The following SNX2 variants were observed in gnomAD, a reference collection of about 807,000 sequenced individuals.
SNX2 encodes sorting nexin 2, also known as sorting nexin-2.
SNX2 carries 25 observed loss-of-function variants against 69.9 expected under a neutral mutation model. The observed-to-expected ratio is 0.36, with a 90% confidence interval of 0.26 to 0.50. The LOEUF (loss-of-function observed/expected upper bound fraction) is 0.50. Among genes scored for constraint, SNX2 ranks in the 20% least tolerant of loss-of-function variants. The pLI, the probability that SNX2 is intolerant of heterozygous loss-of-function variation, is 0.97. For synonymous variants in SNX2, 229 were observed against 200.4 expected (o/e 1.14, Z -1.20); for missense variants, 551 against 613.3 (o/e 0.90, Z 1.07).
rs1015316201 is a variant in SNX2, at chr5:122,831,471, T to C, written c.*1823T>C. Among the ~76,000 whole-genome samples the C allele has an allele frequency of 6.6e-6, 1 of 152,014 alleles. No individual in the cohort carries two copies. Among genetic ancestry groups the C allele is most frequent in the African/African-American group, 2.4e-5 (1 of 41,344 alleles). ...TAACCTACAGCCAGCCTGGACAACA[T>C]AGTGAGACCCTGTCTCTAAAAAAAA... On this transcript the variant is annotated 3_prime_UTR_variant, in exon 15 of 15. Transcript: ENST00000379516.
At chr5:122,816,312 G>A (rs1753900220) in intron 8 of SNX2, among the ~76,000 whole-genome samples, 1 of 152,140 alleles carries the variant, frequency 6.6e-6, no homozygotes, top group East Asian at 1.9e-4. Context: ...AGTTGAATGT[G>A]TATTTGCTTG....
rs2149998167 is a variant in SNX2, at chr5:122,775,414, G to A, written c.108+203G>A. 19 of 1,267,914 alleles carry A rather than the reference G, an allele frequency of 1.5e-5. No homozygotes were observed. In the South Asian group the frequency reaches 2.2e-4, roughly 15 times the overall value. The allele number at this position is 1,267,914 out of a possible 1,614,324, so 78.5% of individuals were successfully genotyped here. On this transcript the variant is annotated intron_variant, in intron 1 of 14. Coordinates refer to ENST00000379516, the MANE Select transcript of SNX2 (RefSeq NM_003100.4). ...GGCCTCCTCAGGAGAGCAGCCTGCG[G>A]CCCGCGGGTGCCGACCTAATCCTCA... is the stretch of plus-strand genomic sequence containing the variant.
At chr5:122,796,550 A>G (rs1561452408) in intron 2 of SNX2, among the ~76,000 whole-genome samples, 1 of 152,202 alleles carries the variant, frequency 6.6e-6, no homozygotes, top group African/African-American at 2.4e-5. Context: ...AGTATTTGTT[A>G]TTGTGTCCTT....
At chr5:122,777,881 T>C (rs993305880) in intron 1 of SNX2, among the ~76,000 whole-genome samples, 1 of 152,230 alleles carries the variant, frequency 6.6e-6, no homozygotes, top group Non-Finnish European at 1.5e-5. Flanking sequence ...AAATATACAA[T>C]AAATTGTTAA....
chr5:122,817,046 G>T lies in SNX2; in HGVS notation c.912+18G>T. The T allele has an allele frequency of 6.4e-7, 1 of 1,556,542 alleles. No homozygotes were observed. Among genetic ancestry groups the T allele is most frequent in the Non-Finnish European group, 8.9e-7 (1 of 1,128,538 alleles). ...CGGATGCAGTAAGAGCTGATTTTTCGGCTTGAATAATGAGATGAATTAATG... is the reference window on the plus strand; with the variant it reads ...CGGATGCAGTAAGAGCTGATTTTTCTGCTTGAATAATGAGATGAATTAATG... On this transcript the variant is annotated intron_variant, in intron 9 of 14. Transcript: ENST00000379516.
rs946910579 is a variant in SNX2, at chr5:122,832,490, T to C, written c.*2842T>C. Reference sequence around the variant, plus strand: ...TCAAGTATTCAGCTTTATACTAATATATTAATCTCAAAATACCTTTGTTTC... The same window carrying C: ...TCAAGTATTCAGCTTTATACTAATACATTAATCTCAAAATACCTTTGTTTC... On this transcript the variant is annotated 3_prime_UTR_variant, in exon 15 of 15. Transcript: ENST00000379516. 6.6e-5 allele frequency: 10 copies of C among 152,210 alleles called. No homozygotes were observed. The highest frequency in any genetic ancestry group is 2.4e-4 in the African/African-American group (10 of 41,448). 9.4% of individuals were successfully genotyped at this position (152,210 alleles called of 1,614,324 possible). A position where few individuals can be genotyped will look rare whatever the true frequency, so the allele number is the denominator to read the frequency against.
At chr5:122,793,263 C>T (rs1301531004) in intron 1 of SNX2, among the ~76,000 whole-genome samples, 1 of 152,118 alleles carries the variant, frequency 6.6e-6, no homozygotes, top group Non-Finnish European at 1.5e-5. Context: ...ATGGTATTCA[C>T]ACAATGAAAT....
At chr5:122,820,021 T>A (rs1028328475) in intron 11 of SNX2, among the ~76,000 whole-genome samples, 1 of 152,192 alleles carries the variant, frequency 6.6e-6, no homozygotes, top group African/African-American at 2.4e-5. Context: ...GGTGATTAAT[T>A]TCTCAGTATT....
At chr5:122,796,709 G>C (rs1207308295) in intron 2 of SNX2, among the ~76,000 whole-genome samples, 1 of 152,106 alleles carries the variant, frequency 6.6e-6, no homozygotes, top group Non-Finnish European at 1.5e-5. Context: ...ATACATAGAG[G>C]TTTTAAATTA....
At chr5:122,803,451 A>G in intron 5 of SNX2, 21 bp from the exon 6 acceptor site, 1 of 1,580,082 alleles carries the variant, frequency 6.3e-7, no homozygotes, top group Non-Finnish European at 8.6e-7. Flanking sequence ...AAAATTTGAA[A>G]CACCTCTTCT....
chr5:122,829,197 TTTTG>T (rs148422974), intron 14 of SNX2, among the ~76,000 whole-genome samples: 59,848 of 151,110 alleles, frequency 0.4, 12,377 homozygotes, highest in African/African-American at 0.49. Flanking sequence ...TTAATGTTGT[TTTTG>T]TTTGTTTGTT....
rs1018697220 is a variant in SNX2, at chr5:122,805,322, TA to T, written c.643+1710del. On this transcript the variant is annotated intron_variant, in intron 6 of 14. Coordinates refer to ENST00000379516, the MANE Select transcript of SNX2 (RefSeq NM_003100.4). ...AAAAAAAAAAAGAATTTTGCTGATT[TA>T]TTTTTTCCCCCAAGCTGGTCTCAAA... is the stretch of plus-strand genomic sequence containing the variant. Among the ~76,000 whole-genome samples the T allele has an allele frequency of 4.6e-5, 7 of 151,468 alleles. No individual in the cohort carries two copies. The South Asian group carries it at 8.4e-4, about 18-fold the overall frequency.
intron 1 of SNX2, among the ~76,000 whole-genome samples, chr5:122,787,823 A>G (rs939320821): frequency 1.3e-5 from 2 of 152,206 alleles, no homozygotes; most frequent in Non-Finnish European, 2.9e-5. Flanking sequence ...TATTAGCAAT[A>G]TGAACTTTCA....
chr5:122,817,703 G>A (rs1378523023), intron 10 of SNX2, among the ~76,000 whole-genome samples: 1 of 152,044 alleles, frequency 6.6e-6, no homozygotes, highest in Non-Finnish European at 1.5e-5. Flanking sequence ...TATAGTTACA[G>A]TTAAATGGAT....
At chr5:122,811,858 T>TAAATAAATAAATAAATAAA (rs1159956658) in intron 7 of SNX2, among the ~76,000 whole-genome samples, 1 of 129,588 alleles carries the variant, frequency 7.7e-6, no homozygotes, top group Non-Finnish European at 1.7e-5. Context: ...AATAAATAAA[T>TAAATAAATAAATAAATAAA]AAAATGTAGT....
intron 1 of SNX2, among the ~76,000 whole-genome samples, chr5:122,792,630 C>T (rs554576638): frequency 1.3e-4 from 20 of 150,164 alleles, no homozygotes; most frequent in African/African-American, 4.6e-4. Context: ...AGTAACTATA[C>T]AAGAAAATAT....
At chr5:122,818,499 A>AT (rs1169678082) in intron 10 of SNX2, among the ~76,000 whole-genome samples, 1 of 152,152 alleles carries the variant, frequency 6.6e-6, no homozygotes, top group African/African-American at 2.4e-5. Flanking sequence ...AATATATTTC[A>AT]TTTTTAGGAA....
intron 6 of SNX2, among the ~76,000 whole-genome samples, chr5:122,805,329 T>C (rs1369596484): frequency 6.6e-6 from 1 of 151,674 alleles, no homozygotes; most frequent in African/African-American, 2.4e-5. Flanking sequence ...ATTTATTTTT[T>C]CCCCCAAGCT....
At chr5:122,827,819 G>A (rs985529550) in intron 14 of SNX2, 173 bp downstream of exon 14, 18 of 502,986 alleles carry the variant, frequency 3.6e-5, no homozygotes, top group African/African-American at 2.5e-4. Context: ...ACTATCTCAC[G>A]TGTTTTTTTT....
Sources: allele counts gnomAD v4.1 joint callset (sites outside exome capture counted in the v4.1 genomes callset), GRCh38; gene constraint gnomAD v4.1.1; transcripts MANE v1.5; gene names NCBI Gene and HGNC (gene_info 2026-07-23, HGNC 2026-07-21).